The following CLSTN2 variants were observed in gnomAD, a reference collection of about 807,000 sequenced individuals.
CLSTN2 encodes calsyntenin 2.
In CLSTN2, 48 loss-of-function variants were observed where a neutral mutation model predicts 101.2. That is an observed-to-expected ratio of 0.47 (90% CI 0.38 to 0.60). The LOEUF is 0.60. Ranked by LOEUF, CLSTN2 falls within the 20% of genes least tolerant of loss-of-function variation. CLSTN2 has a pLI of 0.00. For synonymous variants in CLSTN2, 481 were observed against 463.6 expected (o/e 1.04, Z -0.48); for missense variants, 1,160 against 1,238.2 (o/e 0.94, Z 0.95).
At chr3:140,147,996 C>T (rs1576445571) in intron 1 of CLSTN2, among the ~76,000 whole-genome samples, 1 of 152,266 alleles carries the variant, frequency 6.6e-6, no homozygotes, top group East Asian at 1.9e-4. Context: ...GGATGTAGCT[C>T]ATTTTTGATA....
intron 8 of CLSTN2, among the ~76,000 whole-genome samples, chr3:140,513,583 C>CTTTTTTTTT (rs55778787): frequency 3.6e-4 from 42 of 117,734 alleles, no homozygotes; most frequent in African/African-American, 5.0e-4. Flanking sequence ...TTTTTTCTTT[C>CTTTTTTTTT]TTTTTTTTTT....
intron 2 of CLSTN2, among the ~76,000 whole-genome samples, chr3:140,268,992 TATTA>T (rs1205331084): frequency 6.6e-6 from 1 of 152,200 alleles, no homozygotes; most frequent in East Asian, 1.9e-4. Context: ...GAGATTTGTT[TATTA>T]ATTGATCAGG....
At chr3:139,995,954 A>G (rs1369786307) in intron 1 of CLSTN2, among the ~76,000 whole-genome samples, 2 of 152,208 alleles carry the variant, frequency 1.3e-5, no homozygotes, top group African/African-American at 2.4e-5. Context: ...GCCCTCTTTT[A>G]TTAAAAAATG....
intron 2 of CLSTN2, among the ~76,000 whole-genome samples, chr3:140,231,937 G>C (rs1457066991): frequency 6.6e-6 from 1 of 152,138 alleles, no homozygotes; most frequent in Non-Finnish European, 1.5e-5. Context: ...GTGACTTTGG[G>C]CAAGTTTGTT....
chr3:140,054,868 G>A (rs546719183), intron 1 of CLSTN2, among the ~76,000 whole-genome samples: 3 of 152,290 alleles, frequency 2.0e-5, no homozygotes, highest in Non-Finnish European at 2.9e-5. Flanking sequence ...TATGCCTATC[G>A]GATTCTGTAG....
chr3:140,500,735 T>C (rs914471151), intron 8 of CLSTN2, among the ~76,000 whole-genome samples: 12 of 152,246 alleles, frequency 7.9e-5, no homozygotes, highest in Non-Finnish European at 1.5e-4. Flanking sequence ...CTTTTTTCAT[T>C]TGTAGAACGC....
Position 140,283,470 on chromosome 3 carries a change from G to A in CLSTN2, c.232+107397G>A, listed in dbSNP as rs77398012. Among the ~76,000 whole-genome samples, 294 of 152,240 alleles carry A rather than the reference G, an allele frequency of 1.9e-3. 1 individual carries two copies. The highest frequency in any genetic ancestry group is 6.3e-3 in the African/African-American group (261 of 41,556). On this transcript the variant is annotated intron_variant, in intron 2 of 16. Transcript: ENST00000458420. ...TTATCCTGTAAACTGAGCCTGTGGA[G>A]TCAGTAAAGCTGATTGTATTACCCT...
At chr3:140,059,121 C>T (rs1173148914) in intron 1 of CLSTN2, among the ~76,000 whole-genome samples, 1 of 152,226 alleles carries the variant, frequency 6.6e-6, no homozygotes. Flanking sequence ...CCTGCATGTG[C>T]AATCTGGGGA....
At chr3:140,328,066 G>C (rs750317851) in intron 2 of CLSTN2, among the ~76,000 whole-genome samples, 3 of 152,106 alleles carry the variant, frequency 2.0e-5, no homozygotes, top group Non-Finnish European at 4.4e-5. Context: ...TTATCCTGAT[G>C]CTTCCTTTCA....
chr3:140,367,511 CAAAAAAAAA>C (rs34398474), intron 2 of CLSTN2, among the ~76,000 whole-genome samples: 3 of 96,836 alleles, frequency 3.1e-5, no homozygotes, highest in Admixed American at 1.1e-4. Context: ...CACTTTGTCT[CAAAAAAAAA>C]AAAAAAAAAA....
At position 140,361,290 on chromosome 3, in the gene CLSTN2, C is replaced by T. The variant is rs76582925; in HGVS notation, c.233-42339C>T. ...TCTCAATTGCCATAGAAAAAGGATG[C>T]GAAGAAATTCAAGACCTACTCAAAC... On this transcript the variant is annotated intron_variant, in intron 2 of 16. Coordinates refer to ENST00000458420, the MANE Select transcript of CLSTN2 (RefSeq NM_022131.3). Among the ~76,000 whole-genome samples the T allele has an allele frequency of 6.2e-3, 947 of 152,174 alleles. 5 individuals are homozygous for T. The highest frequency in any genetic ancestry group is 0.021 in the African/African-American group (867 of 41,530).
At chr3:140,384,075 C>G (rs558522449) in intron 2 of CLSTN2, among the ~76,000 whole-genome samples, 1 of 152,286 alleles carries the variant, frequency 6.6e-6, no homozygotes, top group East Asian at 1.9e-4. Context: ...AAGCAGCCAA[C>G]CTTTCACGTT....
At position 140,122,332 on chromosome 3, in the gene CLSTN2, C is replaced by A. The variant is rs12107142; in HGVS notation, c.110-53619C>A. Among the ~76,000 whole-genome samples, 582 of 152,190 alleles carry A rather than the reference C, an allele frequency of 3.8e-3. 5 individuals are homozygous for A. Among genetic ancestry groups the A allele is most frequent in the Middle Eastern group, 0.01 (3 of 294 alleles). On this transcript the variant is annotated intron_variant, in intron 1 of 16. Transcript: ENST00000458420. The stretch of plus-strand genomic sequence containing the variant: ...ATGAGGAGGCAAGCCTGGCTGGCCC[C>A]TCTTCAAAGCTGGCAAAATGCCGTG...
At chr3:140,511,371 T>C (rs758840874) in intron 8 of CLSTN2, among the ~76,000 whole-genome samples, 4 of 152,122 alleles carry the variant, frequency 2.6e-5, no homozygotes, top group Admixed American at 6.6e-5. Context: ...AATATTCGTT[T>C]GAGTACATAT....
intron 2 of CLSTN2, among the ~76,000 whole-genome samples, chr3:140,233,704 C>T (rs2086391123): frequency 1.3e-5 from 2 of 152,122 alleles, no homozygotes; most frequent in Non-Finnish European, 2.9e-5. Flanking sequence ...TCTCAGATAC[C>T]CAGTATCCAA....
chr3:140,344,565 C>T (rs534889459), intron 2 of CLSTN2, among the ~76,000 whole-genome samples: 60 of 152,294 alleles, frequency 3.9e-4, no homozygotes, highest in African/African-American at 1.4e-3. Context: ...TCCCTTTGAC[C>T]TGAAATACCC....
intron 1 of CLSTN2, among the ~76,000 whole-genome samples, chr3:139,981,596 TGAGA>T (rs1935923091): frequency 6.6e-6 from 1 of 152,206 alleles, no homozygotes; most frequent in African/African-American, 2.4e-5. Context: ...AATTAAATGG[TGAGA>T]GAGGTTAGGC....
chr3:140,576,258 C>A lies in CLSTN2; in HGVS notation c.*10005C>A, dbSNP rs543533562. On this transcript the variant is annotated 3_prime_UTR_variant, in exon 17 of 17. Coordinates refer to ENST00000458420, the MANE Select transcript of CLSTN2 (RefSeq NM_022131.3). The stretch of plus-strand genomic sequence containing the variant: ...GCTGCACACAGTGGGTTTGCATGCA[C>A]CTAGACTGCATCTGCTGAACACCCA... The A allele has an allele frequency of 6.6e-6, 1 of 152,160 alleles. No homozygotes were observed. The highest frequency in any genetic ancestry group is 1.5e-5 in the Non-Finnish European group (1 of 68,038). The allele number at this position is 152,160 out of a possible 1,614,324, so 9.4% of individuals were successfully genotyped here.
At chr3:140,552,113 C>A (rs1179455273) in intron 10 of CLSTN2, among the ~76,000 whole-genome samples, 3 of 152,086 alleles carry the variant, frequency 2.0e-5, no homozygotes, top group Non-Finnish European at 2.9e-5. Context: ...GGGCTTTGAG[C>A]AGGGACTTCC....
Sources: gnomAD v4.1 joint callset for allele counts (sites outside exome capture counted in the v4.1 genomes callset) on GRCh38, gnomAD v4.1.1 for gene constraint, MANE v1.5 for transcripts, NCBI Gene and HGNC (gene_info 2026-07-23, HGNC 2026-07-21) for gene names.